DTNA: variants seen among roughly 807,000 people sequenced by gnomAD.
DTNA encodes the protein dystrobrevin alpha.
In DTNA, 43 loss-of-function variants were observed where a neutral mutation model predicts 100.7. The ratio of observed to expected loss-of-function variants is 0.43; its 90% CI spans 0.33 to 0.55. The LOEUF (loss-of-function observed/expected upper bound fraction) is 0.55. DTNA is among the 20% of genes least tolerant of loss of function. The pLI is 0.04. For missense variants in DTNA, 798 were observed against 953.9 expected, an observed-to-expected ratio of 0.84 and a Z score of 2.15; for synonymous variants, 349 against 347.9, an observed-to-expected ratio of 1.00 and a Z score of -0.04.
chr18:34,667,028 C>A (rs1282764472), intron 1 of DTNA, among the ~76,000 whole-genome samples: 1 of 152,116 alleles, frequency 6.6e-6, no homozygotes, highest in African/African-American at 2.4e-5. Flanking sequence ...TGGCCATTTT[C>A]ACGATATTGA....
chr18:34,758,622 T>C (rs2092938382), intron 2 of DTNA, among the ~76,000 whole-genome samples: 1 of 152,216 alleles, frequency 6.6e-6, no homozygotes, highest in Non-Finnish European at 1.5e-5. Context: ...TGATAAGTCC[T>C]TCAATTATTA....
Position 34,890,228 on chromosome 18 carries a change from C to T in DTNA, c.*2494C>T, listed in dbSNP as rs1257361729. 6.7e-6 allele frequency: 10 copies of T among 1,488,620 alleles called. No homozygotes were observed. In the East Asian group the frequency reaches 2.0e-4, roughly 29 times the overall value. The allele number at this position is 1,488,620 out of a possible 1,614,324, so 92.2% of individuals were successfully genotyped here. ...GGTTGTTGATATCGTCATATAAAGC[C>T]ATTGCAAGGACTCTGGAAACTGCCG... On this transcript the variant is annotated 3_prime_UTR_variant, in exon 23 of 23. Transcript: ENST00000444659.
In DTNA at chr18:34,851,869, C is replaced by G; in HGVS notation, c.1473C>G (p.Phe491Leu). ...PQQRSAPDIS[F>L]TIDANKQQRQ... is the part of the protein sequence containing the mutation. ...AGAGAAGTGCTCCTGACATCTCTTTCACCATCGATGCGAATAAGCAGCAAA... is the reference window on the plus strand; with the variant it reads ...AGAGAAGTGCTCCTGACATCTCTTTGACCATCGATGCGAATAAGCAGCAAA... The change falls in exon 15 of 23, where the codon TTC (phenylalanine) becomes TTG (leucine). Residue 491 changes from phenylalanine (F) to leucine (L), a missense_variant. This residue lies in a region of DTNA where 159 missense variants were observed against 201.2 expected (regional missense o/e 0.79). Coordinates refer to ENST00000444659, the MANE Select transcript of DTNA (RefSeq NM_001386795.1). 1 of 1,614,098 alleles carries G rather than the reference C, an allele frequency of 6.2e-7. No individual in the cohort carries two copies. The highest frequency in any genetic ancestry group is 8.5e-7 in the Non-Finnish European group (1 of 1,179,960).
At chr18:34,517,766 C>G (rs552213875) in intron 1 of DTNA, among the ~76,000 whole-genome samples, 67 of 152,114 alleles carry the variant, frequency 4.4e-4, no homozygotes, top group South Asian at 1.0e-3. Flanking sequence ...CCACCTTACC[C>G]CCTGTGTCCA....
intron 16 of DTNA, among the ~76,000 whole-genome samples, chr18:34,862,960 T>C (rs544492184): frequency 1.5e-4 from 23 of 152,374 alleles, no homozygotes; most frequent in African/African-American, 5.5e-4. Context: ...TCATTTAATA[T>C]GCTATCATTG....
chr18:34,675,088 C>G (rs1319756119), intron 1 of DTNA, among the ~76,000 whole-genome samples: 1 of 152,106 alleles, frequency 6.6e-6, no homozygotes, highest in East Asian at 1.9e-4. Context: ...CTCAAAGGAA[C>G]TCGGACCACC....
At chr18:34,797,287 T>C (rs1329052875) in intron 4 of DTNA, among the ~76,000 whole-genome samples, 2 of 152,182 alleles carry the variant, frequency 1.3e-5, no homozygotes, top group Non-Finnish European at 2.9e-5. Context: ...AGAGGTTATC[T>C]TTTTTAAGGC....
intron 1 of DTNA, among the ~76,000 whole-genome samples, chr18:34,585,736 G>T (rs1467864546): frequency 6.6e-6 from 1 of 151,890 alleles, no homozygotes; most frequent in Non-Finnish European, 1.5e-5. Flanking sequence ...CAAAAAGTAG[G>T]TATCTGAGTA....
intron 1 of DTNA, among the ~76,000 whole-genome samples, chr18:34,665,677 G>C (rs2075820716): frequency 6.6e-6 from 1 of 152,048 alleles, no homozygotes; most frequent in Admixed American, 6.6e-5. Flanking sequence ...TGCAGTGTTT[G>C]GTTTTTTGTC....
rs930422603 is a variant in DTNA, at chr18:34,553,376, T to G, written c.-2+59862T>G. Among the ~76,000 whole-genome samples the G allele has an allele frequency of 3.0e-4, 45 of 150,940 alleles. 1 individual carries two copies. The highest frequency in any genetic ancestry group is 4.6e-4 in the Admixed American group (7 of 15,208). ...TTTCTTTTGCTGTGCAGAAGCTCTTTAGTTTAATTAGATCCCATTTGTCAA... is the reference window on the plus strand; with the variant it reads ...TTTCTTTTGCTGTGCAGAAGCTCTTGAGTTTAATTAGATCCCATTTGTCAA... On this transcript the variant is annotated intron_variant, in intron 1 of 19. Coordinates refer to the DTNA transcript ENST00000283365.
At chr18:34,694,116 A>C (rs369619469) in intron 1 of DTNA, among the ~76,000 whole-genome samples, 1 of 150,842 alleles carries the variant, frequency 6.6e-6, no homozygotes, top group East Asian at 1.9e-4. Context: ...TAAGATAAAT[A>C]TACAGTATTT....
At chr18:34,870,231 A>G (rs1271421925) in intron 17 of DTNA, among the ~76,000 whole-genome samples, 4 of 152,222 alleles carry the variant, frequency 2.6e-5, no homozygotes, top group Non-Finnish European at 4.4e-5. Flanking sequence ...CATCATTCCA[A>G]ATTCCATCTC....
intron 1 of DTNA, among the ~76,000 whole-genome samples, chr18:34,569,407 G>T (rs1451404636): frequency 6.6e-6 from 1 of 152,102 alleles, no homozygotes; most frequent in African/African-American, 2.4e-5. Flanking sequence ...ATAAAGATAA[G>T]GGGAACTTTT....
At chr18:34,756,941 A>G (rs1227207433) in intron 2 of DTNA, among the ~76,000 whole-genome samples, 1 of 152,182 alleles carries the variant, frequency 6.6e-6, no homozygotes, top group South Asian at 2.1e-4. Context: ...AGAAGGCAGT[A>G]GACAAAATTA....
At chr18:34,732,026 A>C (rs2088368415) in intron 1 of DTNA, among the ~76,000 whole-genome samples, 1 of 152,194 alleles carries the variant, frequency 6.6e-6, no homozygotes, top group Non-Finnish European at 1.5e-5. Flanking sequence ...TCTCACCACC[A>C]AATCAGTCTC....
chr18:34,561,592 T>C (rs2046642319), intron 1 of DTNA, among the ~76,000 whole-genome samples: 1 of 152,160 alleles, frequency 6.6e-6, no homozygotes, highest in Non-Finnish European at 1.5e-5. Context: ...TTGGGCATGG[T>C]GGCTCATTAT....
intron 1 of DTNA, among the ~76,000 whole-genome samples, chr18:34,736,955 C>T (rs753946694): frequency 6.6e-6 from 1 of 152,164 alleles, no homozygotes; most frequent in Admixed American, 6.5e-5. Flanking sequence ...GTGAGAAAGG[C>T]ACATAGTGCA....
chr18:34,627,401 A>G (rs1383815957), intron 1 of DTNA, among the ~76,000 whole-genome samples: 2 of 152,124 alleles, frequency 1.3e-5, no homozygotes, highest in African/African-American at 4.8e-5. Flanking sequence ...CCTTTAGCCA[A>G]GAAGGACAAA....
At chr18:34,687,753 T>C (rs1423074848) in intron 1 of DTNA, among the ~76,000 whole-genome samples, 1 of 152,322 alleles carries the variant, frequency 6.6e-6, no homozygotes, top group East Asian at 1.9e-4. Context: ...AGTCTCCCAC[T>C]ATTATTGTGT....
Sources: gnomAD v4.1 joint callset for allele counts (sites outside exome capture counted in the v4.1 genomes callset) on GRCh38, gnomAD v4.1.1 for gene constraint, gnomAD v4.1.1 regional missense constraint, MANE v1.5 for transcripts, NCBI Gene and HGNC (gene_info 2026-07-23, HGNC 2026-07-21) for gene names.